Variants in RFX4 observed in about 807,000 individuals in gnomAD.
RFX4 encodes transcription factor RFX4.
RFX4 carries 10 observed loss-of-function variants against 95.0 expected under a neutral mutation model. That is an observed-to-expected ratio of 0.11 (90% confidence interval 0.06 to 0.18). The LOEUF (loss-of-function observed/expected upper bound fraction) is 0.18, where lower values mean the gene tolerates loss of function less well. Ranked by LOEUF, RFX4 falls within the 10% of genes least tolerant of loss-of-function variation. The pLI is 1.00. For missense variants in RFX4, 640 were observed against 922.0 expected (o/e 0.69, Z 3.96); for synonymous variants, 321 against 340.7 (o/e 0.94, Z 0.64).
chr12:106,716,942 T>C (rs531252300), intron 11 of RFX4, among the ~76,000 whole-genome samples: 13 of 136,748 alleles, frequency 9.5e-5, no homozygotes, highest in Non-Finnish European at 1.8e-4. Context: ...TCACGTCTAG[T>C]CCCAGCTTCA....
chr12:106,702,766 C>A (rs1251528087), intron 8 of RFX4, among the ~76,000 whole-genome samples: 1 of 152,180 alleles, frequency 6.6e-6, no homozygotes, highest in East Asian at 1.9e-4. Context: ...CTTCCCTATT[C>A]CCTGGGGTCA....
chr12:106,625,390 T>C (rs1333330779), intron 2 of RFX4, among the ~76,000 whole-genome samples: 4 of 152,194 alleles, frequency 2.6e-5, no homozygotes, highest in Non-Finnish European at 4.4e-5. Flanking sequence ...AAATGCCTGA[T>C]GGGTGAAGAA....
At chr12:106,612,685 A>G (rs2039986939) in intron 2 of RFX4, among the ~76,000 whole-genome samples, 1 of 152,170 alleles carries the variant, frequency 6.6e-6, no homozygotes, top group Non-Finnish European at 1.5e-5. Context: ...TAAAAATACA[A>G]AAATTAGCTG....
In RFX4 at chr12:106,709,778, G is replaced by C. The variant is rs141322621; in HGVS notation, c.934+348G>C. ...TGCTGCCTCTGCGATGTAGAAAGTA[G>C]TATCCCTGTTCTACAGATGAGGCTC... On this transcript the variant is annotated intron_variant, in intron 9 of 17. Coordinates refer to ENST00000392842, the MANE Select transcript of RFX4 (RefSeq NM_213594.3). Among the ~76,000 whole-genome samples, 17 of 152,228 alleles carry C rather than the reference G, an allele frequency of 1.1e-4. No individual in the cohort carries two copies. In the East Asian group the frequency reaches 3.3e-3, roughly 29 times the overall value.
chr12:106,668,656 T>G (rs964655846), intron 4 of RFX4, among the ~76,000 whole-genome samples: 10 of 152,192 alleles, frequency 6.6e-5, no homozygotes, highest in African/African-American at 2.2e-4. Flanking sequence ...TAGGGTTTAG[T>G]GGGGAAGGAG....
At chr12:106,665,077 G>C (rs2041148665) in intron 4 of RFX4, among the ~76,000 whole-genome samples, 4 of 151,816 alleles carry the variant, frequency 2.6e-5, no homozygotes, top group Non-Finnish European at 4.4e-5. Context: ...ATTTCTGATA[G>C]AGGGGTATTG....
Position 106,750,803 on chromosome 12 carries a change from T to C in RFX4, c.1935+10T>C. On this transcript the variant is annotated intron_variant, in intron 17 of 17. Transcript: ENST00000392842. ...CAGGAGCTCTGCACAGGTGAGTCAGTGGTCCTGGTTTCTTGGCCAGGCCTT... is the reference window on the plus strand; with the variant it reads ...CAGGAGCTCTGCACAGGTGAGTCAGCGGTCCTGGTTTCTTGGCCAGGCCTT... 6.5e-7 allele frequency: 1 copy of C among 1,538,438 alleles called. No homozygotes were observed. Among genetic ancestry groups the C allele is most frequent in the Non-Finnish European group, 8.7e-7 (1 of 1,146,876 alleles).
At chr12:106,698,500 T>G (rs1250476708) in intron 8 of RFX4, among the ~76,000 whole-genome samples, 1 of 152,152 alleles carries the variant, frequency 6.6e-6, no homozygotes, top group African/African-American at 2.4e-5. Context: ...AGTCTGGTGG[T>G]CATAAATTTT....
intron 13 of RFX4, among the ~76,000 whole-genome samples, chr12:106,728,185 A>G (rs1284305875): frequency 6.6e-6 from 1 of 152,020 alleles, no homozygotes; most frequent in Non-Finnish European, 1.5e-5. Flanking sequence ...TAACAATAAC[A>G]AAATAAAATC....
In RFX4 at chr12:106,720,076, G is replaced by A. The variant is rs776397691; in HGVS notation, c.1233+22G>A. On this transcript the variant is annotated intron_variant, in intron 12 of 17. Transcript: ENST00000392842. The surrounding 1 kb of genome is among the most constrained non-coding windows in gnomAD (Gnocchi z 4.2). Reference sequence around the variant, plus strand: ...GAAGGTTGGTAAACCGGCACCTAGCGGGCAGCCTTGGGCCCTGCAGCCCAC... The same window carrying A: ...GAAGGTTGGTAAACCGGCACCTAGCAGGCAGCCTTGGGCCCTGCAGCCCAC... The A allele has an allele frequency of 4.6e-5, 74 of 1,595,976 alleles. No homozygotes were observed. Among genetic ancestry groups the A allele is most frequent in the South Asian group, 5.5e-5 (5 of 90,744 alleles).
At position 106,678,097 on chromosome 12, in the gene RFX4, A is replaced by G. The variant is rs145689723; in HGVS notation, c.316-3896A>G. Among the ~76,000 whole-genome samples, 838 of 152,352 alleles carry G rather than the reference A, an allele frequency of 5.5e-3. 7 individuals carry two copies. The highest frequency in any genetic ancestry group is 8.8e-3 in the Non-Finnish European group (602 of 68,038). The stretch of plus-strand genomic sequence containing the variant: ...ATTGATCCGTGAATTCCCAGGCCCC[A>G]TGCTATGGCTTGATAATTCCTCAAG... On this transcript the variant is annotated intron_variant, in intron 4 of 17. Transcript: ENST00000392842.
rs145645874 is a variant in RFX4, at chr12:106,719,770, A to G, written c.1139-190A>G. On this transcript the variant is annotated intron_variant, in intron 11 of 17. Transcript: ENST00000392842. Reference sequence around the variant, plus strand: ...GCCACAGTTTAACATGTTCACAGGCATGGAAGATGATCTTGGAAAGGTAAG... The same window carrying G: ...GCCACAGTTTAACATGTTCACAGGCGTGGAAGATGATCTTGGAAAGGTAAG... Among the ~76,000 whole-genome samples the G allele has an allele frequency of 1.1e-3, 163 of 152,342 alleles. 2 individuals are homozygous for G. The highest frequency in any genetic ancestry group is 6.2e-3 in the East Asian group (32 of 5,182).
intron 8 of RFX4, among the ~76,000 whole-genome samples, chr12:106,700,502 G>A (rs1397159742): frequency 4.0e-5 from 6 of 149,674 alleles, no homozygotes; most frequent in Admixed American, 2.0e-4. Context: ...CGCCTCCCGG[G>A]TTCACGCCAT....
rs571121468 is a variant in RFX4, at chr12:106,642,354, G to A, written c.191+2962G>A. 5.9e-5 allele frequency among the ~76,000 whole-genome samples: 9 copies of A among 151,528 alleles called. No homozygotes were observed. The East Asian group carries it at 9.9e-4, about 17-fold the overall frequency. On this transcript the variant is annotated intron_variant, in intron 3 of 17. Coordinates refer to ENST00000392842, the MANE Select transcript of RFX4 (RefSeq NM_213594.3). Reference sequence around the variant, plus strand: ...TGACACTCAGGGCACAGTGGCTCACGCCTGTAATCCCAGCACTTTGAGAGG... The same window carrying A: ...TGACACTCAGGGCACAGTGGCTCACACCTGTAATCCCAGCACTTTGAGAGG...
intron 4 of RFX4, among the ~76,000 whole-genome samples, chr12:106,678,192 C>A (rs769054204): frequency 9.2e-5 from 14 of 152,176 alleles, no homozygotes; most frequent in Non-Finnish European, 1.8e-4. Context: ...GAACAAATGG[C>A]TCCAGAAGGC....
intron 2 of RFX4, among the ~76,000 whole-genome samples, chr12:106,636,611 AG>A (rs960453820): frequency 1.3e-5 from 2 of 152,176 alleles, no homozygotes; most frequent in Non-Finnish European, 2.9e-5. Flanking sequence ...AGGTTGACAA[AG>A]CATCATGAAC....
In RFX4 at chr12:106,686,789, A is replaced by ACTCC; in HGVS notation, c.378-92_378-89dup. The stretch of plus-strand genomic sequence containing the variant: ...CCAGCTTTCCTTGGCCTTGGGCAAC[A>ACTCC]CTCCCTACTCAGGAAACCTCACTTA... On this transcript the variant is annotated intron_variant, in intron 5 of 17. Coordinates refer to ENST00000392842, the MANE Select transcript of RFX4 (RefSeq NM_213594.3). 3 of 1,191,960 alleles carry ACTCC rather than the reference A, an allele frequency of 2.5e-6. No individual in the cohort carries two copies. The South Asian group carries it at 4.3e-5, about 17-fold the overall frequency. The allele number at this position is 1,191,960 out of a possible 1,614,324, so 73.8% of individuals were successfully genotyped here.
intron 15 of RFX4, among the ~76,000 whole-genome samples, chr12:106,743,173 G>A (rs534699292): frequency 3.9e-4 from 59 of 152,146 alleles, no homozygotes; most frequent in Non-Finnish European, 7.6e-4. Flanking sequence ...AAATAGAAAT[G>A]TGAGGAGGGG....
intron 8 of RFX4, among the ~76,000 whole-genome samples, chr12:106,701,659 G>A (rs1022678692): frequency 6.6e-6 from 1 of 152,118 alleles, no homozygotes; most frequent in Non-Finnish European, 1.5e-5. Context: ...CTACTAATGA[G>A]ACTATTGAAA....
Sources: allele counts gnomAD v4.1 joint callset (sites outside exome capture counted in the v4.1 genomes callset), GRCh38; gene constraint gnomAD v4.1.1; non-coding constraint Gnocchi (gnomAD v3.1); transcripts MANE v1.5; gene names NCBI Gene and HGNC (gene_info 2026-07-23, HGNC 2026-07-21).